Variants in HSDL2 observed in about 807,000 individuals in gnomAD.
The protein encoded by HSDL2 is hydroxysteroid dehydrogenase like 2.
In HSDL2, 27 loss-of-function variants were observed where a neutral mutation model predicts 46.3. That is an observed-to-expected ratio of 0.58 (90% CI 0.43 to 0.80). HSDL2 has a LOEUF of 0.80. Among genes scored for constraint, HSDL2 ranks in the 30% least tolerant of loss-of-function variants. HSDL2 has a pLI of 0.00. For missense variants in HSDL2, 451 were observed against 502.7 expected (o/e 0.90, Z 0.98); for synonymous variants, 153 against 163.6 (o/e 0.94, Z 0.50).
At chr9:112,385,941 AT>A (rs199910165) in intron 1 of HSDL2, among the ~76,000 whole-genome samples, 23 of 144,198 alleles carry the variant, frequency 1.6e-4, no homozygotes, top group African/African-American at 2.8e-4. Flanking sequence ...TTTTAATTTA[AT>A]TTTTTTTTTT....
chr9:112,453,550 G>A (rs1219465909), intron 8 of HSDL2, among the ~76,000 whole-genome samples: 1 of 151,942 alleles, frequency 6.6e-6, no homozygotes, highest in Non-Finnish European at 1.5e-5. Context: ...CAACCACCAC[G>A]CCCAGCTAAT....
At position 112,470,420 on chromosome 9, in the gene HSDL2, T is replaced by G. The variant is rs760178186; in HGVS notation, c.1145-12T>G. 1 of 1,561,904 alleles carries G rather than the reference T, an allele frequency of 6.4e-7. No homozygotes were observed. The highest frequency in any genetic ancestry group is 8.8e-7 in the Non-Finnish European group (1 of 1,135,472). ...AATGGTTGCTTTTCCCTCTCTCATT[T>G]TCTCATTTTAGGGAAACTAAAACCA... On this transcript the variant is annotated splice_polypyrimidine_tract_variant and intron_variant, in intron 10 of 10. Transcript: ENST00000398805.
chr9:112,443,928 T>A (rs58935727), intron 8 of HSDL2, among the ~76,000 whole-genome samples: 1 of 152,196 alleles, frequency 6.6e-6, no homozygotes, highest in South Asian at 2.1e-4. Context: ...GGGAGTTAGA[T>A]AGGTAGAGTG....
At chr9:112,392,867 C>T (rs1371525773) in intron 1 of HSDL2, among the ~76,000 whole-genome samples, 1 of 152,164 alleles carries the variant, frequency 6.6e-6, no homozygotes, top group Non-Finnish European at 1.5e-5. Flanking sequence ...TAAAGACAGG[C>T]ATAAGAAATT....
intron 6 of HSDL2, among the ~76,000 whole-genome samples, chr9:112,428,220 G>A (rs1832296371): frequency 6.6e-6 from 1 of 152,208 alleles, no homozygotes; most frequent in Non-Finnish European, 1.5e-5. Context: ...GTTGCAGCCA[G>A]CTTTCCAATC....
intron 1 of HSDL2, among the ~76,000 whole-genome samples, chr9:112,381,729 C>T (rs1469169435): frequency 1.3e-5 from 2 of 152,282 alleles, no homozygotes; most frequent in African/African-American, 4.8e-5. Context: ...TGGTTCCAGA[C>T]GTGTTCGGAT....
rs778118220 is a variant in HSDL2, at chr9:112,404,035, C to T, written c.58C>T (p.Arg20Cys). 4.3e-6 allele frequency: 7 copies of T among 1,613,936 alleles called. No individual in the cohort carries two copies. In the African/African-American group the frequency reaches 5.3e-5, roughly 12 times the overall value. Reference protein sequence around the residue: ...GCTVFITGASRGIGKAIALKA... With the variant: ...GCTVFITGASCGIGKAIALKA... The stretch of plus-strand genomic sequence containing the variant: ...TACAGTTTTTATCACAGGTGCAAGC[C>T]GTGGCATTGGCAAAGCTATTGCATT... The change falls in exon 2 of 11, where the codon CGT becomes TGT. Residue 20 changes from arginine to cysteine, a missense_variant. Physicochemically the swap from Arg to Cys is radical, Grantham distance 180. Coordinates refer to ENST00000398805, the MANE Select transcript of HSDL2 (RefSeq NM_032303.5).
Position 112,471,435 on chromosome 9 carries a change from A to G in HSDL2, c.*891A>G, listed in dbSNP as rs957663690. 7.2e-5 allele frequency: 11 copies of G among 152,290 alleles called. No homozygotes were observed. The highest frequency in any genetic ancestry group is 2.7e-4 in the African/African-American group (11 of 41,460). The allele number at this position is 152,290 out of a possible 1,614,324, so 9.4% of individuals were successfully genotyped here. On this transcript the variant is annotated 3_prime_UTR_variant, in exon 11 of 11. Transcript: ENST00000398805. ...GAGATACCAGCAATGTGTGCACAGA[A>G]CAAAGACCAGGAGAGGACACAGTGA...
At chr9:112,401,875 T>G (rs1831608116) in intron 1 of HSDL2, among the ~76,000 whole-genome samples, 1 of 152,188 alleles carries the variant, frequency 6.6e-6, no homozygotes, top group South Asian at 2.1e-4. Flanking sequence ...GTGTGCTATA[T>G]TTCATGAAAA....
intron 1 of HSDL2, among the ~76,000 whole-genome samples, chr9:112,393,126 A>G (rs1486731533): frequency 1.3e-5 from 2 of 152,206 alleles, no homozygotes; most frequent in Non-Finnish European, 2.9e-5. Context: ...TCCAAAATTT[A>G]CTACAGTGGA....
intron 10 of HSDL2, among the ~76,000 whole-genome samples, chr9:112,468,046 G>C (rs1184754107): frequency 7.6e-5 from 1 of 13,174 alleles, no homozygotes. Flanking sequence ...CAACTCTCTT[G>C]ATTGTTTGTC....
intron 1 of HSDL2, among the ~76,000 whole-genome samples, chr9:112,399,766 G>A (rs530600876): frequency 3.9e-5 from 6 of 152,230 alleles, no homozygotes; most frequent in Non-Finnish European, 7.4e-5. Flanking sequence ...CTTTTTGCCC[G>A]ATGCCGCAGG....
intron 8 of HSDL2, among the ~76,000 whole-genome samples, chr9:112,452,961 C>G (rs1832923919): frequency 6.6e-6 from 1 of 152,108 alleles, no homozygotes; most frequent in Non-Finnish European, 1.5e-5. Context: ...AGGGGACTAA[C>G]AGTTTAACCT....
At chr9:112,391,898 A>G (rs1831352734) in intron 1 of HSDL2, among the ~76,000 whole-genome samples, 1 of 141,336 alleles carries the variant, frequency 7.1e-6, no homozygotes, top group Admixed American at 7.1e-5. Flanking sequence ...AAAAAAAAAA[A>G]GAAAAGAAAA....
At chr9:112,389,408 C>A (rs955881412) in intron 1 of HSDL2, among the ~76,000 whole-genome samples, 3 of 152,094 alleles carry the variant, frequency 2.0e-5, no homozygotes, top group Non-Finnish European at 4.4e-5. Flanking sequence ...AATGCTAAAT[C>A]ATTGGGGTAA....
At chr9:112,432,739 G>A (rs150128484) in intron 6 of HSDL2, among the ~76,000 whole-genome samples, 119 of 152,230 alleles carry the variant, frequency 7.8e-4, no homozygotes, top group African/African-American at 2.7e-3. Context: ...TCCTTGTGGT[G>A]CATGGTATGA....
chr9:112,453,391 T>C (rs1832935041), intron 8 of HSDL2, among the ~76,000 whole-genome samples: 1 of 152,100 alleles, frequency 6.6e-6, no homozygotes, highest in Non-Finnish European at 1.5e-5. Context: ...TTTAGGTCTG[T>C]TTCTTTTATT....
intron 6 of HSDL2, among the ~76,000 whole-genome samples, chr9:112,431,968 C>T (rs1832417011): frequency 1.3e-5 from 2 of 151,428 alleles, no homozygotes; most frequent in Admixed American, 1.3e-4. Context: ...CAACCTCCGC[C>T]TCCCAGGTTC....
At chr9:112,403,736 G>T (rs1183903772) in intron 1 of HSDL2, among the ~76,000 whole-genome samples, 1 of 152,052 alleles carries the variant, frequency 6.6e-6, no homozygotes, top group African/African-American at 2.4e-5. Flanking sequence ...TTCTCTTGAA[G>T]ATTTGCTTTG....
Sources: gnomAD v4.1 joint callset for allele counts (sites outside exome capture counted in the v4.1 genomes callset) on GRCh38, gnomAD v4.1.1 for gene constraint, MANE v1.5 for transcripts, NCBI Gene and HGNC (gene_info 2026-07-23, HGNC 2026-07-21) for gene names.